TRPS1: variants seen among roughly 807,000 people sequenced by gnomAD.
The protein encoded by TRPS1 is zinc finger transcription factor Trps1.
TRPS1 carries 6 observed loss-of-function variants against 101.2 expected under a neutral mutation model. The observed-to-expected ratio is 0.06, with a 90% CI of 0.03 to 0.12. The LOEUF (loss-of-function observed/expected upper bound fraction) is 0.12, where lower values mean the gene tolerates loss of function less well. Ranked by LOEUF, TRPS1 falls within the 10% of genes least tolerant of loss-of-function variation. TRPS1 has a pLI of 1.00. For missense variants in TRPS1, 1,363 were observed against 1,567.0 expected (o/e 0.87, Z 2.20); for synonymous variants, 578 against 589.8 (o/e 0.98, Z 0.29).
intron 1 of TRPS1, among the ~76,000 whole-genome samples, chr8:115,648,304 G>C (rs1811469269): frequency 6.6e-6 from 1 of 152,012 alleles, no homozygotes; most frequent in Admixed American, 6.6e-5. Context: ...AGGAGAGGGA[G>C]GCTGCAGGCA....
intron 5 of TRPS1, among the ~76,000 whole-genome samples, chr8:115,481,997 T>C (rs887338328): frequency 2.6e-5 from 4 of 152,162 alleles, no homozygotes; most frequent in Non-Finnish European, 4.4e-5. Flanking sequence ...GGCTTCCACC[T>C]GTCCCTTGCA....
chr8:115,444,511 T>C (rs111727990), intron 5 of TRPS1, among the ~76,000 whole-genome samples: 9 of 152,354 alleles, frequency 5.9e-5, no homozygotes, highest in African/African-American at 2.2e-4. Context: ...CTTCAATCTG[T>C]TCATTTCATT....
Position 115,415,155 on chromosome 8 carries a change from C to T in TRPS1, c.2824-71G>A, listed in dbSNP as rs564776913. The T allele has an allele frequency of 2.1e-5, 31 of 1,471,984 alleles. No individual in the cohort carries two copies. In the Admixed American group the frequency reaches 2.7e-4, roughly 13 times the overall value. The allele number at this position is 1,471,984 out of a possible 1,614,324, so 91.2% of individuals were successfully genotyped here. ...ACATTAAAATGCATTAAAAATTCCTCACAAATATAAACCATGCTTAAGTTC... is the reference window on the plus strand; with the variant it reads ...ACATTAAAATGCATTAAAAATTCCTTACAAATATAAACCATGCTTAAGTTC... On this transcript the variant is annotated intron_variant, in intron 6 of 6. Coordinates refer to ENST00000395715, the MANE Select transcript of TRPS1 (RefSeq NM_014112.5).
In TRPS1 at chr8:115,526,077, T is replaced by C. The variant is rs561650301; in HGVS notation, c.2700+60924A>G. On this transcript the variant is annotated intron_variant, in intron 5 of 6. Coordinates refer to ENST00000395715, the MANE Select transcript of TRPS1 (RefSeq NM_014112.5). The stretch of plus-strand genomic sequence containing the variant: ...GATAAATTAGGCTAACATGAAAACA[T>C]GTAAAATGATTAAGAACGTTCTGGG... 2.3e-3 allele frequency among the ~76,000 whole-genome samples: 348 copies of C among 152,162 alleles called. 4 individuals carry two copies. In the South Asian group the frequency reaches 0.033, roughly 14 times the overall value.
chr8:115,593,171 C>T (rs1423251049), intron 4 of TRPS1, among the ~76,000 whole-genome samples: 1 of 152,102 alleles, frequency 6.6e-6, no homozygotes, highest in Non-Finnish European at 1.5e-5. Flanking sequence ...AAGTCACATA[C>T]ACCTTCTGAG....
chr8:115,491,747 C>A (rs986400701), intron 5 of TRPS1, among the ~76,000 whole-genome samples: 4 of 152,134 alleles, frequency 2.6e-5, no homozygotes, highest in African/African-American at 9.7e-5. Flanking sequence ...CTGCTGCCCA[C>A]CCTCAACCGC....
At chr8:115,444,249 A>G (rs973610440) in intron 5 of TRPS1, among the ~76,000 whole-genome samples, 1 of 151,716 alleles carries the variant, frequency 6.6e-6, no homozygotes, top group Non-Finnish European at 1.5e-5. Context: ...CTGATAAGGA[A>G]TGTGATTTCT....
At chr8:115,633,726 C>T (rs1161215870) in intron 1 of TRPS1, among the ~76,000 whole-genome samples, 1 of 152,058 alleles carries the variant, frequency 6.6e-6, no homozygotes, top group African/African-American at 2.4e-5. Flanking sequence ...ATCTAAAATT[C>T]TGAATATTTT....
intron 5 of TRPS1, among the ~76,000 whole-genome samples, chr8:115,550,173 T>C (rs1475147467): frequency 6.6e-6 from 1 of 152,168 alleles, no homozygotes; most frequent in Non-Finnish European, 1.5e-5. Flanking sequence ...AAGATCTCAC[T>C]ATTGTACTCC....
chr8:115,465,753 C>T (rs1251205376), intron 5 of TRPS1, among the ~76,000 whole-genome samples: 1 of 152,088 alleles, frequency 6.6e-6, no homozygotes. Flanking sequence ...GCTGGGCTCT[C>T]ATTTACAAAA....
Position 115,619,532 on chromosome 8 carries a change from C to A in TRPS1, c.566G>T (p.Gly189Val). 6.2e-7 allele frequency: 1 copy of A among 1,614,180 alleles called. No individual in the cohort carries two copies. Among genetic ancestry groups the A allele is most frequent in the Non-Finnish European group, 8.5e-7 (1 of 1,180,032 alleles). The stretch of plus-strand genomic sequence containing the variant: ...TGAGGCCACTGAAACTGGGCTCAAA[C>A]CTTGACAATTGGCTTGACCACTCTG... ...QAQSGQANCQ[G>V]LSPVSVASKN... Residue 189 changes from glycine (G) to valine (V), a missense_variant, in exon 3 of 7, where the codon GGT becomes GTT. This residue lies in a region of TRPS1 where 1,020 missense variants were observed against 1,073.0 expected (regional missense o/e 0.95). Coordinates refer to ENST00000395715, the MANE Select transcript of TRPS1 (RefSeq NM_014112.5).
rs149639647 is a variant in TRPS1 at position 115,520,072 on chromosome 8, T to C, written c.2700+66929A>G. Among the ~76,000 whole-genome samples the C allele has an allele frequency of 7.4e-3, 1,119 of 151,822 alleles. 52 individuals are homozygous for C. The highest frequency in any genetic ancestry group is 0.066 in the Admixed American group (1,005 of 15,184). Reference sequence around the variant, plus strand: ...CATATACATACCTCTTCACTGTCAATGTAATCATAATTGTTTTGCAAATTC... The same window carrying C: ...CATATACATACCTCTTCACTGTCAACGTAATCATAATTGTTTTGCAAATTC... On this transcript the variant is annotated intron_variant, in intron 5 of 6. Coordinates refer to ENST00000395715, the MANE Select transcript of TRPS1 (RefSeq NM_014112.5).
intron 5 of TRPS1, among the ~76,000 whole-genome samples, chr8:115,432,758 C>T (rs1360182633): frequency 2.6e-5 from 4 of 151,860 alleles, no homozygotes; most frequent in Non-Finnish European, 4.4e-5. Context: ...TGTAAGTTTA[C>T]AAATTTCAGA....
Position 115,587,416 on chromosome 8 carries a change from A to C in TRPS1, c.2285T>G (p.Leu762Arg), listed in dbSNP as rs1162559092. Reference sequence around the variant, plus strand: ...TCCCATTTTAGAGTCTGGAGTTAGCAGATTGTAGACCCTGAAGTCAATTTT... The same window carrying C: ...TCCCATTTTAGAGTCTGGAGTTAGCCGATTGTAGACCCTGAAGTCAATTTT... ...EPKIDFRVYNLLTPDSKMGEP... is the reference protein window; with the variant it reads ...EPKIDFRVYNRLTPDSKMGEP... Residue 762 changes from leucine (L) to arginine (R), a missense_variant, in exon 5 of 7, where the codon CTG (leucine) becomes CGG (arginine). By Grantham distance (102) the Leu-to-Arg change is moderately radical. Transcript: ENST00000395715. 3 of 1,614,018 alleles carry C rather than the reference A, an allele frequency of 1.9e-6. No homozygotes were observed. Among genetic ancestry groups the C allele is most frequent in the Non-Finnish European group, 2.5e-6 (3 of 1,180,014 alleles).
chr8:115,550,207 C>G (rs1816671327), intron 5 of TRPS1, among the ~76,000 whole-genome samples: 1 of 152,122 alleles, frequency 6.6e-6, no homozygotes, highest in Non-Finnish European at 1.5e-5. Context: ...GAGCAAGACT[C>G]TGTCTCAAAA....
intron 5 of TRPS1, among the ~76,000 whole-genome samples, chr8:115,551,060 T>A (rs1373457342): frequency 1.5e-4 from 23 of 151,982 alleles, no homozygotes; most frequent in Non-Finnish European, 2.9e-5. Flanking sequence ...GGCACATGCA[T>A]CCCTCCAGCC....
chr8:115,469,423 A>G (rs1382249755), intron 5 of TRPS1, among the ~76,000 whole-genome samples: 3 of 152,200 alleles, frequency 2.0e-5, no homozygotes, highest in Non-Finnish European at 4.4e-5. Context: ...GCTTTGCCAT[A>G]ATGCCACAAT....
At chr8:115,528,618 C>T (rs1816057424) in intron 5 of TRPS1, among the ~76,000 whole-genome samples, 1 of 151,988 alleles carries the variant, frequency 6.6e-6, no homozygotes, top group Non-Finnish European at 1.5e-5. Context: ...CAGAATGGTA[C>T]TAGAAATCCT....
At chr8:115,486,251 T>C (rs1814876694) in intron 5 of TRPS1, among the ~76,000 whole-genome samples, 1 of 152,230 alleles carries the variant, frequency 6.6e-6, no homozygotes, top group Non-Finnish European at 1.5e-5. Context: ...TTCAGTGTGC[T>C]ACGAACCACA....
Sources: allele counts gnomAD v4.1 joint callset (sites outside exome capture counted in the v4.1 genomes callset), GRCh38; gene constraint gnomAD v4.1.1; regional missense constraint gnomAD v4.1.1; transcripts MANE v1.5; gene names NCBI Gene and HGNC (gene_info 2026-07-23, HGNC 2026-07-21).